DNAH3: variants seen among roughly 807,000 people sequenced by gnomAD.
The protein encoded by DNAH3 is axonemal beta dynein heavy chain 3.
Under a neutral mutation model 432.5 loss-of-function variants are expected in DNAH3, and 332 were observed. The observed-to-expected ratio is 0.77, with a 90% CI of 0.70 to 0.84. The LOEUF (loss-of-function observed/expected upper bound fraction) is 0.84. DNAH3 is among the 40% of genes least tolerant of loss of function. DNAH3 has a pLI of 0.00. For missense variants in DNAH3, 4,861 were observed against 5,114.0 expected (o/e 0.95, Z 1.51); for synonymous variants, 1,956 against 1,900.2 (o/e 1.03, Z -0.76).
rs538581085 is a variant in DNAH3 at position 20,989,116 on chromosome 16, A to G, written c.6602-1051T>C. Among the ~76,000 whole-genome samples the G allele has an allele frequency of 1.5e-4, 23 of 152,302 alleles. No individual in the cohort carries two copies. In the South Asian group the frequency reaches 4.6e-3, roughly 30 times the overall value. Reference sequence around the variant, plus strand: ...CGGAAAGAGACCCGAGCGGGTTACCACTGCTGGCTCGGGCAGCCTGCTTTT... The same window carrying G: ...CGGAAAGAGACCCGAGCGGGTTACCGCTGCTGGCTCGGGCAGCCTGCTTTT... On this transcript the variant is annotated intron_variant, in intron 44 of 61. Transcript: ENST00000261383.
At chr16:21,028,664 A>G (rs1030532443) in intron 37 of DNAH3, among the ~76,000 whole-genome samples, 7 of 151,940 alleles carry the variant, frequency 4.6e-5, no homozygotes, top group Non-Finnish European at 8.8e-5. Flanking sequence ...AAAAAAAAAA[A>G]AAAGAAAGAA....
chr16:21,077,809 C>T (rs914018803), intron 20 of DNAH3, among the ~76,000 whole-genome samples: 2 of 152,150 alleles, frequency 1.3e-5, no homozygotes, highest in Non-Finnish European at 2.9e-5. Context: ...CTGATATTTA[C>T]TCATAGGTCA....
At chr16:21,069,849 A>C (rs899795257) in intron 22 of DNAH3, among the ~76,000 whole-genome samples, 1 of 152,228 alleles carries the variant, frequency 6.6e-6, no homozygotes, top group Non-Finnish European at 1.5e-5. Context: ...ATAGTTATAC[A>C]CGTAATCTGT....
At chr16:21,049,677 C>A (rs758569671) in exon 31 of DNAH3, 1 of 1,613,922 alleles carries the variant, frequency 6.2e-7, no homozygotes, top group Non-Finnish European at 8.5e-7. Context: ...AGTTGAAGAC[C>A]ACACACTAGA....
In DNAH3 at chr16:21,022,180, AGG is replaced by A. The variant is rs2088270881; in HGVS notation, c.5647-82_5647-81del. On this transcript the variant is annotated intron_variant, in intron 39 of 61. Transcript: ENST00000261383. ...GACCAAGAGCTTGGTCTACCTTGTGAGGCTAGAGATGCTGGTTAGACTGCTGA... is the reference window on the plus strand; with the variant it reads ...GACCAAGAGCTTGGTCTACCTTGTGACTAGAGATGCTGGTTAGACTGCTGA... The A allele has an allele frequency of 9.4e-6, 14 of 1,488,456 alleles. No homozygotes were observed. In the South Asian group the frequency reaches 1.4e-4, roughly 15 times the overall value. The allele number at this position is 1,488,456 out of a possible 1,614,324, so 92.2% of individuals were successfully genotyped here. A position where few individuals can be genotyped will look rare whatever the true frequency, so the allele number is the denominator to read the frequency against.
exon 62 of DNAH3, chr16:20,933,231 T>G: frequency 2.5e-6 from 4 of 1,614,250 alleles, no homozygotes; most frequent in Admixed American, 1.7e-5. Flanking sequence ...GGAAGCTCAA[T>G]GGAGAGGACA....
chr16:21,046,830 T>C (rs1216987600), intron 31 of DNAH3, among the ~76,000 whole-genome samples: 1 of 152,188 alleles, frequency 6.6e-6, no homozygotes. Flanking sequence ...TTCCTTTCCA[T>C]GTTTAGTGCT....
chr16:20,999,067 A>G (rs2086896565), intron 43 of DNAH3, among the ~76,000 whole-genome samples: 1 of 152,132 alleles, frequency 6.6e-6, no homozygotes, highest in African/African-American at 2.4e-5. Context: ...CCACCTGGGT[A>G]ACAAAGCAAG....
intron 49 of DNAH3, among the ~76,000 whole-genome samples, chr16:20,981,289 C>T (rs1427311479): frequency 6.6e-6 from 1 of 152,120 alleles, no homozygotes; most frequent in Non-Finnish European, 1.5e-5. Flanking sequence ...TCATATTCAT[C>T]CACCCACTGA....
intron 5 of DNAH3, chr16:21,140,220 C>T: frequency 4.7e-6 from 1 of 210,582 alleles, no homozygotes; most frequent in Admixed American, 5.5e-5. Context: ...CTATGTGTCC[C>T]ATTTTTTGTC....
chr16:21,079,769 A>T (rs1488781394), intron 20 of DNAH3, among the ~76,000 whole-genome samples: 1 of 152,218 alleles, frequency 6.6e-6, no homozygotes. Flanking sequence ...TGGCCAAAAA[A>T]CCTAAGGGTT....
At chr16:20,974,955 A>C (rs2085515494) in intron 51 of DNAH3, among the ~76,000 whole-genome samples, 1 of 146,054 alleles carries the variant, frequency 6.8e-6, no homozygotes, top group Non-Finnish European at 1.5e-5. Context: ...AGTAGCTCGG[A>C]TTACAGATGC....
intron 18 of DNAH3, among the ~76,000 whole-genome samples, chr16:21,094,642 T>G (rs2091628263): frequency 6.6e-6 from 1 of 152,012 alleles, no homozygotes; most frequent in African/African-American, 2.4e-5. Context: ...CTGTACAAAG[T>G]ATGACAAAGT....
intron 50 of DNAH3, among the ~76,000 whole-genome samples, chr16:20,978,038 G>T (rs1289500416): frequency 6.6e-6 from 1 of 152,108 alleles, no homozygotes; most frequent in Non-Finnish European, 1.5e-5. Context: ...ATGTTCTTTG[G>T]TCTTTATTGG....
At chr16:20,970,071 GAGGA>G (rs1567552654) in intron 51 of DNAH3, 81 bp from the exon 52 acceptor site, 3 of 1,316,414 alleles carry the variant, frequency 2.3e-6, no homozygotes, top group East Asian at 2.3e-5. Context: ...ACTCCTACAT[GAGGA>G]AGAAGGAAGA....
chr16:20,973,284 GCT>G (rs755375910), intron 51 of DNAH3, among the ~76,000 whole-genome samples: 1 of 151,350 alleles, frequency 6.6e-6, no homozygotes, highest in Non-Finnish European at 1.5e-5. Context: ...ATAAGGTCTT[GCT>G]CTGTCACTGA....
intron 16 of DNAH3, among the ~76,000 whole-genome samples, chr16:21,099,031 T>C (rs953866705): frequency 1.3e-5 from 2 of 152,210 alleles, no homozygotes. Flanking sequence ...TTCCAGATAT[T>C]TTCCTGTACA....
intron 32 of DNAH3, 98 bp downstream of exon 32, chr16:21,041,929 T>A: frequency 6.9e-7 from 1 of 1,441,468 alleles, no homozygotes; most frequent in East Asian, 2.3e-5. Flanking sequence ...CACCTTGGCC[T>A]CCCAAAGTGC....
intron 14 of DNAH3, among the ~76,000 whole-genome samples, chr16:21,109,675 C>T (rs1597393882): frequency 6.6e-6 from 1 of 151,706 alleles, no homozygotes; most frequent in African/African-American, 2.4e-5. Context: ...TCATAACTCA[C>T]TGCAGCCTTG....
Sources: gnomAD v4.1 joint callset for allele counts (sites outside exome capture counted in the v4.1 genomes callset) on GRCh38, gnomAD v4.1.1 for gene constraint, MANE v1.5 for transcripts, NCBI Gene and HGNC (gene_info 2026-07-23, HGNC 2026-07-21) for gene names.